Variants in UBAP2 observed in about 807,000 individuals in gnomAD.
The protein encoded by UBAP2 is ubiquitin associated protein 2.
UBAP2 carries 75 observed loss-of-function variants against 139.6 expected under a neutral mutation model. The observed-to-expected ratio is 0.54, with a 90% confidence interval of 0.45 to 0.65. The LOEUF is 0.65. UBAP2 is among the 30% of genes least tolerant of loss of function. The probability of loss-of-function intolerance (pLI) is 0.00; values close to 1 mark genes in which losing one functional copy is unlikely to be tolerated. For missense variants in UBAP2, 1,368 were observed against 1,369.6 expected (o/e 1.00, Z 0.02); for synonymous variants, 526 against 526.2 (o/e 1.00, Z 0.01).
intron 22 of UBAP2, among the ~76,000 whole-genome samples, chr9:33,925,836 G>A (rs10971797): frequency 1.3e-5 from 2 of 152,232 alleles, no homozygotes; most frequent in Admixed American, 6.5e-5. Flanking sequence ...GTATCCAGCA[G>A]AGGTGGTGTC....
In UBAP2 at chr9:33,923,203, C is replaced by A; in HGVS notation, c.2987G>T (p.Gly996Val). 5.6e-6 allele frequency: 9 copies of A among 1,614,224 alleles called. No homozygotes were observed. Among genetic ancestry groups the A allele is most frequent in the Non-Finnish European group, 7.6e-6 (9 of 1,180,038 alleles). The change falls in exon 26 of 29, where the codon GGT becomes GTT. Residue 996 changes from glycine (G) to valine (V), a missense_variant. Physicochemically the swap from Gly to Val is moderately radical, Grantham distance 109 (BLOSUM62 -3). Transcript: ENST00000379238. The part of the protein sequence containing the change: ...GSSQAPNKSA[G>V]SGPGKGVSVS... Reference sequence around the variant, plus strand: ...AACACTACCTTTGCCAGGCCCAGAACCTGCAGACTTGTTTGGTGCCTGCGA... The same window carrying A: ...AACACTACCTTTGCCAGGCCCAGAAACTGCAGACTTGTTTGGTGCCTGCGA...
intron 2 of UBAP2, among the ~76,000 whole-genome samples, chr9:34,008,662 G>A (rs999101102): frequency 1.3e-5 from 2 of 151,844 alleles, no homozygotes; most frequent in South Asian, 4.2e-4. Context: ...GAAAAGGTTA[G>A]GCAATCCTTT....
At chr9:33,968,302 A>G in intron 8 of UBAP2, 1 of 603,862 alleles carries the variant, frequency 1.7e-6, no homozygotes, top group Non-Finnish European at 3.2e-6. Flanking sequence ...ACACCAAGAA[A>G]GCTACTGGCC....
intron 4 of UBAP2, chr9:33,994,814 T>C (rs1334170136): frequency 6.6e-6 from 1 of 152,206 alleles, no homozygotes; most frequent in Non-Finnish European, 1.5e-5. Context: ...TCATTCTCTT[T>C]GTTTCACATC....
chr9:33,985,921 G>A (rs937972152), intron 6 of UBAP2, among the ~76,000 whole-genome samples: 1 of 152,000 alleles, frequency 6.6e-6, no homozygotes, highest in Non-Finnish European at 1.5e-5. Flanking sequence ...ACTCAGGAGG[G>A]TAAGTAGGAG....
chr9:34,005,382 C>T (rs1439018393), intron 2 of UBAP2, among the ~76,000 whole-genome samples: 6 of 146,196 alleles, frequency 4.1e-5, no homozygotes, highest in Non-Finnish European at 8.9e-5. Context: ...GTGCAGTGAG[C>T]CTAGATCATG....
Position 33,927,955 on chromosome 9 carries a change from G to A in UBAP2, c.2213C>T (p.Ser738Leu). Residue 738 changes from serine (S) to leucine (L), a missense_variant, in exon 20 of 29, where the codon TCA (serine) becomes TTA (leucine). Transcript: ENST00000379238. ...SVESASSHQS[S>L]ATFSTAATSV... ...GGTCGCTGCCGTGGAGAAGGTGGCT[G>A]AGGACTGGTGGGAAGAGGCGCTCTC... is the stretch of plus-strand genomic sequence containing the variant. 6.2e-7 allele frequency: 1 copy of A among 1,614,066 alleles called. No individual in the cohort carries two copies. Among genetic ancestry groups the A allele is most frequent in the Non-Finnish European group, 8.5e-7 (1 of 1,179,958 alleles).
intron 20 of UBAP2, 129 bp downstream of exon 20, chr9:33,927,668 G>A: frequency 1.1e-6 from 1 of 940,746 alleles, no homozygotes; most frequent in Non-Finnish European, 1.5e-6. Context: ...GGGCCTCAAG[G>A]TCAGTGGAAC....
In UBAP2 at chr9:33,941,865, GA is replaced by G; in HGVS notation, c.1716-4del. On this transcript the variant is annotated splice_region_variant and splice_polypyrimidine_tract_variant and intron_variant, in intron 15 of 28. Transcript: ENST00000379238. The stretch of plus-strand genomic sequence containing the variant: ...ATAAAGATGTATTCAAAGGCTCACT[GA>G]AAAGAGTCAAAAATATTCAACATAA... The G allele has an allele frequency of 2.5e-6, 4 of 1,596,796 alleles. No individual in the cohort carries two copies. The South Asian group carries it at 4.5e-5, about 18-fold the overall frequency.
At chr9:33,928,260 A>G (rs1023360314) in intron 19 of UBAP2, 1 of 385,678 alleles carries the variant, frequency 2.6e-6, no homozygotes, top group Non-Finnish European at 4.6e-6. Context: ...ACTCTCTGTA[A>G]AAATCCTTCA....
Position 33,941,657 on chromosome 9 carries a change from T to C in UBAP2, c.1921A>G (p.Thr641Ala), listed in dbSNP as rs770915568. 18 of 1,613,944 alleles carry C rather than the reference T, an allele frequency of 1.1e-5. No individual in the cohort carries two copies. In the East Asian group the frequency reaches 3.3e-4, roughly 30 times the overall value. The change falls in exon 16 of 29, where the codon ACC becomes GCC. Residue 641 changes from threonine (T) to alanine (A), a missense_variant. Physicochemically the swap from Thr to Ala is moderately conservative, Grantham distance 58. Transcript: ENST00000379238. The stretch of plus-strand genomic sequence containing the variant: ...ACTAAAATACCACTTACCATGATGG[T>C]TCCTGGAGCTGACTCTGATGAACTC... Reference protein sequence around the residue: ...PVSSSESAPGTIMNGHGGGRS... With the variant: ...PVSSSESAPGAIMNGHGGGRS...
chr9:34,039,492 T>C (rs1826842560), intron 1 of UBAP2, among the ~76,000 whole-genome samples: 1 of 152,180 alleles, frequency 6.6e-6, no homozygotes, highest in Admixed American at 6.5e-5. Context: ...GGAGACTCCA[T>C]TTTGTTCTGT....
Position 33,926,677 on chromosome 9 carries a change from C to T in UBAP2, c.2464-13G>A, listed in dbSNP as rs368180112. 6.2e-7 allele frequency: 1 copy of T among 1,614,172 alleles called. No homozygotes were observed. The highest frequency in any genetic ancestry group is 8.5e-7 in the Non-Finnish European group (1 of 1,180,014). On this transcript the variant is annotated splice_polypyrimidine_tract_variant and intron_variant, in intron 21 of 28. Transcript: ENST00000379238. ...CATAGCCATAGATCTGTGTGAGAAC[C>T]AGAAAGTGTATTTTAGGAACCACAT...
intron 19 of UBAP2, among the ~76,000 whole-genome samples, chr9:33,929,347 A>G (rs1287409684): frequency 6.6e-6 from 1 of 152,188 alleles, no homozygotes; most frequent in African/African-American, 2.4e-5. Context: ...GCTGCCTGAC[A>G]GGGTTCCTGT....
chr9:33,969,101 C>T (rs1364024210), intron 8 of UBAP2, among the ~76,000 whole-genome samples: 7 of 152,090 alleles, frequency 4.6e-5, no homozygotes, highest in Non-Finnish European at 1.0e-4. Flanking sequence ...TTTTTTCCCC[C>T]CAGACAGACC....
In UBAP2 at chr9:33,996,342, CA is replaced by C; in HGVS notation, c.178-10del. ...CCTGTCACTTCCATAAGCTAGTGAA[CA>C]TATCAGAAAATGGTTAGAGGCAAAC... On this transcript the variant is annotated splice_polypyrimidine_tract_variant and intron_variant, in intron 3 of 28. Transcript: ENST00000379238. 6.2e-7 allele frequency: 1 copy of C among 1,602,750 alleles called. No individual in the cohort carries two copies. Among genetic ancestry groups the C allele is most frequent in the Non-Finnish European group, 8.5e-7 (1 of 1,171,278 alleles).
chr9:33,970,729 C>T (rs1587586791), intron 8 of UBAP2, among the ~76,000 whole-genome samples: 1 of 152,184 alleles, frequency 6.6e-6, no homozygotes, highest in East Asian at 1.9e-4. Flanking sequence ...CTGCACCTGG[C>T]CTTGATAATT....
intron 8 of UBAP2, among the ~76,000 whole-genome samples, chr9:33,967,488 T>A (rs958403224): frequency 6.6e-6 from 1 of 152,246 alleles, no homozygotes; most frequent in Non-Finnish European, 1.5e-5. Flanking sequence ...TTCCTTGTAT[T>A]CCTAACTGCC....
intron 19 of UBAP2, among the ~76,000 whole-genome samples, 162 bp downstream of exon 19, chr9:33,932,400 A>C (rs1000142264): frequency 6.6e-6 from 1 of 152,240 alleles, no homozygotes; most frequent in Non-Finnish European, 1.5e-5. Flanking sequence ...GATGGTGCCC[A>C]GGAAATCAGA....
Sources: gnomAD v4.1 joint callset for allele counts (sites outside exome capture counted in the v4.1 genomes callset) on GRCh38, gnomAD v4.1.1 for gene constraint, MANE v1.5 for transcripts, NCBI Gene and HGNC (gene_info 2026-07-23, HGNC 2026-07-21) for gene names.